Variants in LRRC4C observed in about 807,000 individuals in gnomAD.
The protein encoded by LRRC4C is leucine-rich repeat-containing protein 4C.
A neutral mutation model predicts 33.6 loss-of-function variants in LRRC4C; 5 were observed. The observed-to-expected ratio is 0.15, with a 90% CI of 0.08 to 0.31. LRRC4C has a LOEUF of 0.31. Among genes scored for constraint, LRRC4C ranks in the 10% least tolerant of loss-of-function variants. LRRC4C has a pLI of 1.00. For missense variants in LRRC4C, 560 were observed against 796.7 expected, an observed-to-expected ratio of 0.70 and a Z score of 3.58; for synonymous variants, 329 against 302.0, an observed-to-expected ratio of 1.09 and a Z score of -0.93.
At chr11:40,781,451 C>G (rs1177623773) in intron 2 of LRRC4C, among the ~76,000 whole-genome samples, 1 of 152,136 alleles carries the variant, frequency 6.6e-6, no homozygotes. Context: ...CCTGCTATAG[C>G]ACAACATTCT....
intron 4 of LRRC4C, among the ~76,000 whole-genome samples, chr11:40,258,164 G>T (rs1353124672): frequency 4.6e-5 from 7 of 152,104 alleles, no homozygotes; most frequent in Non-Finnish European, 8.8e-5. Context: ...AGGTACAACT[G>T]CAGTAGGGAA....
intron 1 of LRRC4C, among the ~76,000 whole-genome samples, chr11:40,943,827 G>A (rs1289042796): frequency 1.3e-5 from 2 of 152,054 alleles, no homozygotes; most frequent in East Asian, 1.9e-4. Flanking sequence ...CATAAAAACC[G>A]GACCTGATAG....
intron 1 of LRRC4C, among the ~76,000 whole-genome samples, chr11:41,341,635 C>G (rs188642761): frequency 4.6e-5 from 7 of 152,220 alleles, no homozygotes; most frequent in Admixed American, 2.6e-4. Context: ...CAGGCAGAAT[C>G]AACAAAAGAC....
chr11:40,665,048 G>C (rs887997003), intron 2 of LRRC4C, among the ~76,000 whole-genome samples: 19 of 151,076 alleles, frequency 1.3e-4, no homozygotes, highest in Admixed American at 6.6e-5. Flanking sequence ...CCTTGCGGTA[G>C]TTTGCTGAGA....
intron 3 of LRRC4C, among the ~76,000 whole-genome samples, chr11:40,601,033 A>G (rs1959942091): frequency 6.6e-6 from 1 of 152,172 alleles, no homozygotes; most frequent in Non-Finnish European, 1.5e-5. Context: ...TGTTGCTTTC[A>G]TTATGGTAGT....
At chr11:40,892,133 T>TAA (rs1955742884) in intron 2 of LRRC4C, among the ~76,000 whole-genome samples, 51 of 18,090 alleles carry the variant, frequency 2.8e-3, no homozygotes, top group African/African-American at 5.3e-3. Flanking sequence ...AGATTGTGTC[T>TAA]CAAAAAAAAA....
intron 4 of LRRC4C, among the ~76,000 whole-genome samples, chr11:40,315,983 A>ATGGGAATG (rs2032249233): frequency 6.6e-6 from 1 of 152,066 alleles, no homozygotes; most frequent in Admixed American, 6.5e-5. Context: ...GGACCGAATC[A>ATGGGAATG]TGGGAATGTG....
At chr11:40,660,026 A>G (rs1199376568) in intron 2 of LRRC4C, among the ~76,000 whole-genome samples, 1 of 151,958 alleles carries the variant, frequency 6.6e-6, no homozygotes, top group Non-Finnish European at 1.5e-5. Flanking sequence ...GGGCTGTGAC[A>G]CCCTCTCTGG....
intron 3 of LRRC4C, among the ~76,000 whole-genome samples, chr11:40,643,634 A>T (rs1156786536): frequency 2.6e-5 from 4 of 152,322 alleles, no homozygotes; most frequent in South Asian, 2.1e-4. Context: ...CCTGCCGTCC[A>T]CCAGCACGGT....
chr11:40,491,383 T>G (rs1954144568), intron 3 of LRRC4C, among the ~76,000 whole-genome samples: 1 of 152,156 alleles, frequency 6.6e-6, no homozygotes, highest in Admixed American at 6.6e-5. Flanking sequence ...CATTTATAAT[T>G]TTGCCATTTC....
chr11:40,486,753 T>C (rs970588846), intron 3 of LRRC4C, among the ~76,000 whole-genome samples: 1 of 152,076 alleles, frequency 6.6e-6, no homozygotes, highest in African/African-American at 2.4e-5. Context: ...TGTATATAGA[T>C]ATGCTACTCT....
chr11:40,929,375 G>T (rs1459234636), intron 2 of LRRC4C, among the ~76,000 whole-genome samples: 2 of 152,172 alleles, frequency 1.3e-5, no homozygotes, highest in East Asian at 3.9e-4. Context: ...AATTGCACTT[G>T]TACCCCTTAA....
intron 2 of LRRC4C, among the ~76,000 whole-genome samples, chr11:40,853,025 A>C (rs574442361): frequency 6.6e-6 from 1 of 152,320 alleles, no homozygotes; most frequent in East Asian, 1.9e-4. Flanking sequence ...GCTGAACCGC[A>C]TGTAAGATGG....
At position 40,325,505 on chromosome 11, in the gene LRRC4C, A is replaced by G. The variant is rs114910937; in HGVS notation, c.-269-5784T>C. ...TAGCCAAGTTTGGTGGCACATGCCT[A>G]TAGTCCAAGTTATTTGGGAGGCTGA... On this transcript the variant is annotated intron_variant, in intron 3 of 6. Coordinates refer to ENST00000528697, the MANE Select transcript of LRRC4C (RefSeq NM_001258419.2). Among the ~76,000 whole-genome samples, 147 of 152,200 alleles carry G rather than the reference A, an allele frequency of 9.7e-4. 1 individual carries two copies. Among genetic ancestry groups the G allele is most frequent in the African/African-American group, 3.3e-3 (136 of 41,534 alleles).
chr11:40,753,694 T>G (rs1565017139), intron 2 of LRRC4C, among the ~76,000 whole-genome samples: 1 of 151,968 alleles, frequency 6.6e-6, no homozygotes, highest in Non-Finnish European at 1.5e-5. Flanking sequence ...TTTTAATTGT[T>G]TTTCCTATTG....
At chr11:40,909,544 T>C (rs2136250243) in intron 2 of LRRC4C, among the ~76,000 whole-genome samples, 1 of 152,212 alleles carries the variant, frequency 6.6e-6, no homozygotes. Flanking sequence ...TATTCACAGA[T>C]AATTTCATAC....
At chr11:40,223,259 G>C (rs1864549503) in intron 5 of LRRC4C, among the ~76,000 whole-genome samples, 1 of 152,074 alleles carries the variant, frequency 6.6e-6, no homozygotes, top group African/African-American at 2.4e-5. Context: ...GGCCTGAAGT[G>C]GTTGGGGCAC....
chr11:40,310,649 T>A (rs988588766), intron 4 of LRRC4C, among the ~76,000 whole-genome samples: 6 of 152,166 alleles, frequency 3.9e-5, no homozygotes, highest in African/African-American at 1.2e-4. Context: ...TACACTCTTA[T>A]AAGCATTAAC....
At chr11:41,253,897 A>C (rs1023358955) in intron 1 of LRRC4C, among the ~76,000 whole-genome samples, 76 of 152,052 alleles carry the variant, frequency 5.0e-4, no homozygotes, top group African/African-American at 1.8e-3. Flanking sequence ...TGAACCAGGC[A>C]CAGGGCCATT....
Sources: gnomAD v4.1 joint callset for allele counts (sites outside exome capture counted in the v4.1 genomes callset) on GRCh38, gnomAD v4.1.1 for gene constraint, MANE v1.5 for transcripts, NCBI Gene and HGNC (gene_info 2026-07-23, HGNC 2026-07-21) for gene names.